TTN: variants seen among roughly 807,000 people sequenced by gnomAD.
TTN encodes connectin.
In TTN, 1,525 loss-of-function variants were observed where a neutral mutation model predicts 3,223.0. The ratio of observed to expected loss-of-function variants is 0.47; its 90% CI spans 0.45 to 0.49. The LOEUF (loss-of-function observed/expected upper bound fraction) is 0.49. Among genes scored for constraint, TTN ranks in the 20% least tolerant of loss-of-function variants. The probability of loss-of-function intolerance (pLI) is 0.00; values close to 1 mark genes in which losing one functional copy is unlikely to be tolerated. For missense variants in TTN, 40,786 were observed against 43,424.0 expected (o/e 0.94, Z 5.40); for synonymous variants, 14,094 against 15,161.0 (o/e 0.93, Z 5.17).
Position 178,587,745 on chromosome 2 carries a change from T to C in TTN, c.63564A>G (p.Ala21188=). 1 of 1,612,422 alleles carries C rather than the reference T, an allele frequency of 6.2e-7. No individual in the cohort carries two copies. Among genetic ancestry groups the C allele is most frequent in the Non-Finnish European group, 8.5e-7 (1 of 1,179,086 alleles). Residue 21188 remains alanine (A), a synonymous_variant, in exon 306 of 363, where the codon GCA becomes GCG. Coordinates refer to ENST00000589042, the MANE Select transcript of TTN (RefSeq NM_001267550.2). The stretch of plus-strand genomic sequence containing the variant: ...TAGCAAAGAGACGAATAGGGCATCC[T>C]GCTCTCACTATGACCAGTTTCCTCA... ...ASMRKLVIVR[A]GCPIRLFAIV...
At position 178,531,374 on chromosome 2, in the gene TTN, C is replaced by T. The variant is rs779952686; in HGVS notation, c.105241G>A (p.Glu35081Lys). The change falls in exon 358 of 363, where the codon GAA (glutamate) becomes AAA (lysine). Residue 35081 changes from glutamate to lysine, a missense_variant. By Grantham distance (56) the Glu-to-Lys change is moderately conservative. Coordinates refer to ENST00000589042, the MANE Select transcript of TTN (RefSeq NM_001267550.2). ...GTCTCCGTCATCTGTGATTTCACTT[C>T]CCTGACAGAAGACGAAGCTTCCATC... ...SEMEASSSVREVKSQMTETRE... is the reference protein window; with the variant it reads ...SEMEASSSVRKVKSQMTETRE... The T allele has an allele frequency of 5.0e-6, 8 of 1,613,908 alleles. No individual in the cohort carries two copies. The East Asian group carries it at 1.3e-4, about 27-fold the overall frequency.
chr2:178,605,812 G>T, intron 278 of TTN, 99 bp from the exon 279 acceptor site: 1 of 1,098,854 alleles, frequency 9.1e-7, no homozygotes, highest in Non-Finnish European at 1.2e-6. Flanking sequence ...ATAGCCTTCT[G>T]TTTGGCATAA....
Position 178,616,997 on chromosome 2 carries a change from A to C in TTN, c.47892T>G (p.Asp15964Glu), listed in dbSNP as rs727503623. Reference protein sequence around the residue: ...ADDAFVEPTMDLSAFKDGLEV... With the variant: ...ADDAFVEPTMELSAFKDGLEV... ...CCAGACCATCTTTAAATGCACTTAA[A>C]TCCATTGTTGGTTCAACTACAAAGA... Residue 15964 changes from aspartate (D) to glutamate (E), a missense_variant, in exon 256 of 363, where the codon GAT (aspartate) becomes GAG (glutamate). Physicochemically the swap from Asp to Glu is conservative, Grantham distance 45 (BLOSUM62 2). Coordinates refer to ENST00000589042, the MANE Select transcript of TTN (RefSeq NM_001267550.2). 14 of 1,612,390 alleles carry C rather than the reference A, an allele frequency of 8.7e-6. No individual in the cohort carries two copies. The highest frequency in any genetic ancestry group is 1.2e-5 in the Non-Finnish European group (14 of 1,179,040).
Position 178,618,353 on chromosome 2 carries a change from T to A in TTN, c.47105A>T (p.Lys15702Met). ...ACGGTCTGTGGCCAGAACCCAGGTC[T>A]TTCTCTTAATGTCACGTCTTTCAAC... Reference protein sequence around the residue: ...YVVERRDIKRKTWVLATDRAE... With the variant: ...YVVERRDIKRMTWVLATDRAE... Residue 15702 changes from lysine (K) to methionine (M), a missense_variant, in exon 252 of 363, where the codon AAG becomes ATG. Physicochemically the swap from Lys to Met is moderately conservative, Grantham distance 95. Coordinates refer to ENST00000589042, the MANE Select transcript of TTN (RefSeq NM_001267550.2). 3.1e-6 allele frequency: 5 copies of A among 1,612,620 alleles called. No individual in the cohort carries two copies. The highest frequency in any genetic ancestry group is 4.2e-6 in the Non-Finnish European group (5 of 1,179,126).
Position 178,554,947 on chromosome 2 carries a change from A to C in TTN, c.88512T>G (p.Asp29504Glu). The C allele has an allele frequency of 4.3e-6, 7 of 1,613,836 alleles. No individual in the cohort carries two copies. The highest frequency in any genetic ancestry group is 5.9e-6 in the Non-Finnish European group (7 of 1,179,836). The change falls in exon 331 of 363, where the codon GAT (aspartate) becomes GAG (glutamate). Residue 29504 changes from aspartate (D) to glutamate (E), a missense_variant. By Grantham distance (45) the Asp-to-Glu change is conservative. Transcript: ENST00000589042. The part of the protein sequence containing the change: ...DLASILIKDA[D>E]RLNSGCYELK... ...ATTCATAGCATCCACTATTAAGGCGATCGGCATCTTTGATGAGTATAGATG... is the reference window on the plus strand; with the variant it reads ...ATTCATAGCATCCACTATTAAGGCGCTCGGCATCTTTGATGAGTATAGATG...
In TTN at chr2:178,632,928, C is replaced by G; in HGVS notation, c.43203G>C (p.Leu14401=). 1.2e-6 allele frequency: 2 copies of G among 1,612,682 alleles called. No individual in the cohort carries two copies. The highest frequency in any genetic ancestry group is 1.7e-6 in the Non-Finnish European group (2 of 1,179,296). ...QAANAKSAAN[L]KVKELPLIFI... The stretch of plus-strand genomic sequence containing the variant: ...ACAAGTAGAGCATACCTTTCACTTT[C>G]AGATTGGCTGCAGATTTGGCATTAG... Residue 14401 remains leucine (L), a synonymous_variant, in exon 234 of 363, where the codon CTG becomes CTC. Coordinates refer to ENST00000589042, the MANE Select transcript of TTN (RefSeq NM_001267550.2).
rs1322989995 is a variant in TTN at position 178,764,749 on chromosome 2, C to T, written c.9766G>A (p.Ala3256Thr). 6.2e-7 allele frequency: 1 copy of T among 1,613,962 alleles called. No individual in the cohort carries two copies. Among genetic ancestry groups the T allele is most frequent in the Admixed American group, 1.7e-5 (1 of 60,010 alleles). The change falls in exon 42 of 363, where the codon GCC becomes ACC. Residue 3256 changes from alanine (A) to threonine (T), a missense_variant. Transcript: ENST00000589042. The stretch of plus-strand genomic sequence containing the variant: ...CCGGATATCACGGCACAGAAGCGGG[C>T]AGGCTTGCCAGACTGCACAGTGACA... ...QPVTVQSGKP[A>T]RFCAVISGRP...
chr2:178,700,975 T>TA (rs1320803307), intron 111 of TTN, 145 bp downstream of exon 111: 1 of 546,354 alleles, frequency 1.8e-6, no homozygotes, highest in Non-Finnish European at 3.2e-6. Flanking sequence ...TTTAGTTAGC[T>TA]AATACTTTGA....
At chr2:178,697,709 T>C (rs565439174) in intron 112 of TTN, among the ~76,000 whole-genome samples, 2 of 152,172 alleles carry the variant, frequency 1.3e-5, no homozygotes, top group Admixed American at 1.3e-4. Flanking sequence ...TTAAAACTAT[T>C]TGTTTAAATT....
chr2:178,672,339 T>A (rs2067155818), intron 154 of TTN, 68 bp downstream of exon 154: 2 of 1,600,728 alleles, frequency 1.2e-6, no homozygotes, highest in South Asian at 2.2e-5. Flanking sequence ...TCAAAATATA[T>A]ATTTTTAAAA....
chr2:178,578,505 G>T (rs1006567441), intron 321 of TTN, 106 bp downstream of exon 321: 1 of 852,114 alleles, frequency 1.2e-6, no homozygotes, highest in Non-Finnish European at 1.9e-6. Flanking sequence ...ACACATTTCT[G>T]TATAAGCAGA....
In TTN at chr2:178,571,366, C is replaced by T. The variant is rs372814940; in HGVS notation, c.74766G>A (p.Arg24922=). ...PGTPVVTLSS[R]DSMEVQWNEP... Reference sequence around the variant, plus strand: ...CATTCCATTGTACTTCCATGCTGTCCCTGGAGGACAGTGTGACAACTGGAG... The same window carrying T: ...CATTCCATTGTACTTCCATGCTGTCTCTGGAGGACAGTGTGACAACTGGAG... The change falls in exon 326 of 363, where the codon AGG becomes AGA. Residue 24922 remains arginine, a synonymous_variant. Coordinates refer to ENST00000589042, the MANE Select transcript of TTN (RefSeq NM_001267550.2). 2 of 1,613,314 alleles carry T rather than the reference C, an allele frequency of 1.2e-6. No individual in the cohort carries two copies. Among genetic ancestry groups the T allele is most frequent in the Non-Finnish European group, 1.7e-6 (2 of 1,179,524 alleles).
Position 178,741,267 on chromosome 2 carries a change from T to C in TTN, c.11966A>G (p.Asn3989Ser). ...CTSVYYTIIH[N>S]PNGSGTFIVN... is the part of the protein sequence containing the mutation. ...AATGAAAGTTCCAGAGCCATTAGGGTTATGAATGATAGTGTAATAAACACT... is the reference window on the plus strand; with the variant it reads ...AATGAAAGTTCCAGAGCCATTAGGGCTATGAATGATAGTGTAATAAACACT... The change falls in exon 48 of 363, where the codon AAC becomes AGC. Residue 3989 changes from asparagine (N) to serine (S), a missense_variant. Transcript: ENST00000589042. The C allele has an allele frequency of 6.2e-7, 1 of 1,613,800 alleles. No individual in the cohort carries two copies. The highest frequency in any genetic ancestry group is 1.3e-5 in the African/African-American group (1 of 75,036).
Position 178,554,680 on chromosome 2 carries a change from C to G in TTN, c.88667G>C (p.Arg29556Pro), listed in dbSNP as rs1207034709. 1 of 1,613,910 alleles carries G rather than the reference C, an allele frequency of 6.2e-7. No homozygotes were observed. Among genetic ancestry groups the G allele is most frequent in the East Asian group, 2.2e-5 (1 of 44,870 alleles). Residue 29556 changes from arginine to proline, a missense_variant, in exon 332 of 363, where the codon CGG becomes CCG. Arg to Pro is a moderately radical substitution (Grantham distance 103, BLOSUM62 -2). Transcript: ENST00000589042. ...VTAEKITLLW[R>P]PPADDGGAKI... ...TGCACCACCATCATCAGCTGGAGGC[C>G]GCCAGAGAAGGGTGATCTTCTCAGC...
Position 178,727,812 on chromosome 2 carries a change from G to T in TTN, c.19766C>A (p.Ser6589Tyr). 1 of 1,612,130 alleles carries T rather than the reference G, an allele frequency of 6.2e-7. No individual in the cohort carries two copies. Among genetic ancestry groups the T allele is most frequent in the Non-Finnish European group, 8.5e-7 (1 of 1,178,884 alleles). ...TAGTATTGCCTTAAATTCCACTGTA[G>T]AATCAGGTATGGCTTGCTGTCGCCC... is the stretch of plus-strand genomic sequence containing the variant. ...KPGRQQAIPD[S>Y]TVEFKAILKG... Residue 6589 changes from serine (S) to tyrosine (Y), a missense_variant, in exon 68 of 363, where the codon TCT (serine) becomes TAT (tyrosine). Transcript: ENST00000589042.
chr2:178,770,900 T>C, intron 34 of TTN: 2 of 810,808 alleles, frequency 2.5e-6, no homozygotes, highest in South Asian at 2.7e-5. Flanking sequence ...TTTAGTAGTA[T>C]GAAGTTTGCA....
chr2:178,793,423 A>G lies in TTN; in HGVS notation c.1517T>C (p.Met506Thr), dbSNP rs1210731040. ...TTTCACCTGCTCATGAGTTACGTGCATCTGCTCTTGCTTTGTGGTAATTAC... is the reference window on the plus strand; with the variant it reads ...TTTCACCTGCTCATGAGTTACGTGCGTCTGCTCTTGCTTTGTGGTAATTAC... ...KEVITTKQEQ[M>T]HVTHEQIRKE... Residue 506 changes from methionine to threonine, a missense_variant, in exon 9 of 363, where the codon ATG becomes ACG. By Grantham distance (81) the Met-to-Thr change is moderately conservative. Coordinates refer to ENST00000589042, the MANE Select transcript of TTN (RefSeq NM_001267550.2). 6.2e-7 allele frequency: 1 copy of G among 1,614,128 alleles called. No individual in the cohort carries two copies. Among genetic ancestry groups the G allele is most frequent in the Non-Finnish European group, 8.5e-7 (1 of 1,179,994 alleles).
chr2:178,663,945 C>G (rs750181482), intron 169 of TTN, 43 bp from the exon 170 acceptor site: 4 of 1,611,370 alleles, frequency 2.5e-6, no homozygotes, highest in Non-Finnish European at 3.4e-6. Flanking sequence ...GTTATGAAGA[C>G]CGCTAGAAAA....
chr2:178,697,094 G>C, intron 113 of TTN, 27 bp downstream of exon 113: 1 of 1,511,780 alleles, frequency 6.6e-7, no homozygotes, highest in Non-Finnish European at 9.0e-7. Context: ...GGAATAAACA[G>C]AATAAAAATA....
Sources: allele counts gnomAD v4.1 joint callset (sites outside exome capture counted in the v4.1 genomes callset), GRCh38; gene constraint gnomAD v4.1.1; transcripts MANE v1.5; gene names NCBI Gene and HGNC (gene_info 2026-07-23, HGNC 2026-07-21).